Variants in DCC observed in about 807,000 individuals in gnomAD.
DCC encodes the protein DCC netrin 1 receptor.
Under a neutral mutation model 172.5 loss-of-function variants are expected in DCC, and 58 were observed. The observed-to-expected ratio is 0.34, with a 90% CI of 0.27 to 0.42. The LOEUF (loss-of-function observed/expected upper bound fraction) is 0.42. Ranked by LOEUF, DCC falls within the 10% of genes least tolerant of loss-of-function variation. The probability of loss-of-function intolerance (pLI) is 1.00; values close to 1 mark genes in which losing one functional copy is unlikely to be tolerated. For synonymous variants in DCC, 709 were observed against 644.5 expected (o/e 1.10, Z -1.52); for missense variants, 1,740 against 1,791.0 (o/e 0.97, Z 0.51).
In DCC at chr18:53,412,817, A is replaced by G. The variant is rs548090535; in HGVS notation, c.3130+2171A>G. 7.2e-5 allele frequency among the ~76,000 whole-genome samples: 11 copies of G among 152,320 alleles called. No homozygotes were observed. In the South Asian group the frequency reaches 2.3e-3, roughly 32 times the overall value. On this transcript the variant is annotated intron_variant, in intron 20 of 28. Transcript: ENST00000442544. ...CCAGTCAGAGAAGTACAGGAAACTC[A>G]GTCAATAATCACTGTTTAATTAAAA...
chr18:53,096,253 C>T lies in DCC; in HGVS notation c.1261+30087C>T, dbSNP rs370134226. Among the ~76,000 whole-genome samples, 131 of 152,214 alleles carry T rather than the reference C, an allele frequency of 8.6e-4. 1 individual carries two copies. In the South Asian group the frequency reaches 0.014, roughly 16 times the overall value. On this transcript the variant is annotated intron_variant, in intron 7 of 28. Transcript: ENST00000442544. ...ACTCAGGAGTCTGAGGCAGGAAGAT[C>T]GCTTGAGCCTGAGGGCCCAAGGTTA...
intron 12 of DCC, among the ~76,000 whole-genome samples, chr18:53,216,622 T>A (rs2055856092): frequency 6.6e-6 from 1 of 152,132 alleles, no homozygotes; most frequent in South Asian, 2.1e-4. Flanking sequence ...CATGTGCAAA[T>A]GCCTTGTCAT....
At chr18:53,321,614 T>C (rs1161632452) in intron 13 of DCC, among the ~76,000 whole-genome samples, 2 of 152,188 alleles carry the variant, frequency 1.3e-5, no homozygotes, top group Non-Finnish European at 2.9e-5. Flanking sequence ...GTGCATTTTC[T>C]TTGGATTCTT....
intron 14 of DCC, among the ~76,000 whole-genome samples, chr18:53,335,715 G>A (rs2057583974): frequency 6.6e-6 from 1 of 152,138 alleles, no homozygotes; most frequent in African/African-American, 2.4e-5. Context: ...TTGGGGCCTT[G>A]TATTAGTCTG....
chr18:53,012,898 CA>C (rs1193453325), intron 5 of DCC, among the ~76,000 whole-genome samples: 3 of 151,976 alleles, frequency 2.0e-5, no homozygotes, highest in Non-Finnish European at 2.9e-5. Context: ...AATGCCCCAT[CA>C]AAAAGTGGGC....
chr18:52,520,184 T>C (rs2031768058), intron 1 of DCC, among the ~76,000 whole-genome samples: 1 of 152,128 alleles, frequency 6.6e-6, no homozygotes, highest in Non-Finnish European at 1.5e-5. Flanking sequence ...AGTGCTGCCC[T>C]CCACAGTGAC....
In DCC at chr18:53,161,911, G is replaced by A. The variant is rs570127721; in HGVS notation, c.1418+4399G>A. ...GGCTGGTTATGATTTTATATTCTGA[G>A]CTGAGTTATGGAAATAAAGTATTTC... is the stretch of plus-strand genomic sequence containing the variant. On this transcript the variant is annotated intron_variant, in intron 8 of 28. Coordinates refer to ENST00000442544, the MANE Select transcript of DCC (RefSeq NM_005215.4). 3.5e-4 allele frequency among the ~76,000 whole-genome samples: 53 copies of A among 152,182 alleles called. No homozygotes were observed. The South Asian group carries it at 0.011, about 30-fold the overall frequency.
At chr18:52,501,368 C>A (rs1050231518) in intron 1 of DCC, among the ~76,000 whole-genome samples, 1 of 152,118 alleles carries the variant, frequency 6.6e-6, no homozygotes, top group Non-Finnish European at 1.5e-5. Flanking sequence ...TTCTCCTTAC[C>A]AGTTTCCAGC....
At chr18:52,371,671 T>A (rs182473359) in intron 1 of DCC, among the ~76,000 whole-genome samples, 1 of 152,332 alleles carries the variant, frequency 6.6e-6, no homozygotes, top group East Asian at 1.9e-4. Flanking sequence ...AAGCAATGTA[T>A]GGAGTTCGTT....
intron 5 of DCC, among the ~76,000 whole-genome samples, chr18:53,044,239 G>A (rs572800834): frequency 1.3e-5 from 2 of 151,706 alleles, no homozygotes; most frequent in African/African-American, 2.4e-5. Context: ...GATGTATAAA[G>A]CAAAGGCAAG....
At chr18:52,902,568 T>A (rs546289163) in intron 2 of DCC, among the ~76,000 whole-genome samples, 145 of 152,300 alleles carry the variant, frequency 9.5e-4, no homozygotes, top group African/African-American at 3.1e-3. Context: ...AGATGACTTT[T>A]ACGAAAATAT....
chr18:52,548,131 A>C (rs970204949), intron 1 of DCC, among the ~76,000 whole-genome samples: 11 of 152,158 alleles, frequency 7.2e-5, no homozygotes, highest in African/African-American at 2.7e-4. Context: ...ATTTGTTAAC[A>C]TAGCCTTTTC....
intron 5 of DCC, among the ~76,000 whole-genome samples, chr18:53,047,484 TC>T (rs2042270827): frequency 1.0e-4 from 8 of 76,998 alleles, no homozygotes; most frequent in African/African-American, 2.7e-4. Flanking sequence ...TATTGAGGAA[TC>T]TTTTTTTTAT....
chr18:53,311,260 T>C (rs545652089), intron 13 of DCC, among the ~76,000 whole-genome samples: 1 of 152,288 alleles, frequency 6.6e-6, no homozygotes, highest in Admixed American at 6.5e-5. Flanking sequence ...TAGCTGGGAT[T>C]ACAGGCATGC....
chr18:53,170,371 TTTTG>T (rs2054993637), intron 8 of DCC, among the ~76,000 whole-genome samples: 1 of 152,232 alleles, frequency 6.6e-6, no homozygotes, highest in African/African-American at 2.4e-5. Context: ...TGCTCACTCT[TTTTG>T]TTTTGATTTA....
chr18:52,545,997 A>G (rs2032603267), intron 1 of DCC, among the ~76,000 whole-genome samples: 1 of 152,226 alleles, frequency 6.6e-6, no homozygotes, highest in South Asian at 2.1e-4. Context: ...TAAGTGTCAA[A>G]TACACATTGC....
intron 7 of DCC, among the ~76,000 whole-genome samples, chr18:53,092,828 C>T (rs1200660882): frequency 2.0e-5 from 3 of 152,052 alleles, no homozygotes; most frequent in Non-Finnish European, 4.4e-5. Flanking sequence ...GTATCATAGA[C>T]CCCGAAACAA....
intron 7 of DCC, among the ~76,000 whole-genome samples, chr18:53,093,182 C>T (rs1197519539): frequency 6.6e-6 from 1 of 152,058 alleles, no homozygotes; most frequent in Non-Finnish European, 1.5e-5. Flanking sequence ...GTGGCTGAGG[C>T]AGGAGAATCA....
intron 1 of DCC, among the ~76,000 whole-genome samples, chr18:52,476,182 C>A (rs1170017840): frequency 6.6e-6 from 1 of 152,160 alleles, no homozygotes; most frequent in East Asian, 1.9e-4. Flanking sequence ...GTACTTGCAG[C>A]TTCAGCACCT....
Sources: allele counts gnomAD v4.1 joint callset (sites outside exome capture counted in the v4.1 genomes callset), GRCh38; gene constraint gnomAD v4.1.1; transcripts MANE v1.5; gene names NCBI Gene and HGNC (gene_info 2026-07-23, HGNC 2026-07-21).